Variants in SPAG16 observed in about 807,000 individuals in gnomAD.
SPAG16 encodes sperm associated antigen 16, also known as sperm-associated antigen 16 protein.
SPAG16 carries 86 observed loss-of-function variants against 80.4 expected under a neutral mutation model. That is an observed-to-expected ratio of 1.07 (90% CI 0.90 to 1.28). The LOEUF (loss-of-function observed/expected upper bound fraction) is 1.28, where lower values mean the gene tolerates loss of function less well. Ranked by LOEUF, SPAG16 falls within the 50% of genes most tolerant of loss-of-function variation. SPAG16 has a pLI of 0.00. For synonymous variants in SPAG16, 294 were observed against 265.9 expected (o/e 1.11, Z -1.03); for missense variants, 870 against 765.3 (o/e 1.14, Z -1.61).
intron 15 of SPAG16, among the ~76,000 whole-genome samples, chr2:214,203,724 G>A (rs920416591): frequency 6.6e-6 from 1 of 152,172 alleles, no homozygotes; most frequent in African/African-American, 2.4e-5. Context: ...GGGTCCTTGG[G>A]GAGGGCTACC....
At chr2:213,555,252 T>A (rs1350461793) in intron 10 of SPAG16, among the ~76,000 whole-genome samples, 1 of 152,200 alleles carries the variant, frequency 6.6e-6, no homozygotes, top group Non-Finnish European at 1.5e-5. Context: ...ATGGTTGGGC[T>A]TTGTGTTCCC....
intron 10 of SPAG16, among the ~76,000 whole-genome samples, chr2:213,670,329 A>G (rs1487831016): frequency 2.0e-5 from 3 of 152,146 alleles, no homozygotes; most frequent in Admixed American, 1.3e-4. Flanking sequence ...TGATCTGCCA[A>G]TGACTGTGGA....
chr2:213,439,717 A>G (rs2070828423), intron 9 of SPAG16, among the ~76,000 whole-genome samples: 1 of 152,236 alleles, frequency 6.6e-6, no homozygotes, highest in Admixed American at 6.5e-5. Context: ...GAAAGATGCT[A>G]AAAGTTAGAA....
At chr2:213,659,622 A>C (rs1413188866) in intron 10 of SPAG16, among the ~76,000 whole-genome samples, 1 of 152,164 alleles carries the variant, frequency 6.6e-6, no homozygotes, top group African/African-American at 2.4e-5. Flanking sequence ...CTAGGAGATG[A>C]TTTTCGACTC....
intron 13 of SPAG16, among the ~76,000 whole-genome samples, chr2:214,099,013 G>A (rs958350409): frequency 2.6e-5 from 4 of 152,044 alleles, no homozygotes; most frequent in Admixed American, 6.6e-5. Flanking sequence ...CTTTCAAGTC[G>A]TGTCTGTTGT....
chr2:213,390,637 T>TA (rs1281496178), intron 9 of SPAG16, among the ~76,000 whole-genome samples: 2 of 152,186 alleles, frequency 1.3e-5, no homozygotes, highest in African/African-American at 2.4e-5. Context: ...AGCAGCAATT[T>TA]AAAAGCCTAC....
At chr2:213,599,771 G>A (rs1285207062) in intron 10 of SPAG16, among the ~76,000 whole-genome samples, 2 of 152,038 alleles carry the variant, frequency 1.3e-5, no homozygotes, top group Admixed American at 6.6e-5. Context: ...GCACAATATC[G>A]GCTCACTGCA....
chr2:214,336,977 A>G (rs1697337787), intron 15 of SPAG16, among the ~76,000 whole-genome samples: 1 of 113,164 alleles, frequency 8.8e-6, no homozygotes, highest in Non-Finnish European at 2.1e-5. Context: ...TTCCAATATA[A>G]CTGATCAAAG....
Position 214,193,473 on chromosome 2 carries a change from G to A in SPAG16, c.1720+44207G>A, listed in dbSNP as rs763830562. ...AGAGAGAGAGAGAGAAGGGGGTAGA[G>A]CTCAAAGCTATGTCTGCCAAGATTT... On this transcript the variant is annotated intron_variant, in intron 15 of 15. Coordinates refer to ENST00000331683, the MANE Select transcript of SPAG16 (RefSeq NM_024532.5). 2.7e-5 allele frequency among the ~76,000 whole-genome samples: 4 copies of A among 149,228 alleles called. No individual in the cohort carries two copies. In the East Asian group the frequency reaches 8.0e-4, roughly 30 times the overall value.
chr2:213,700,987 A>G (rs1392562308), intron 10 of SPAG16, among the ~76,000 whole-genome samples: 1 of 152,132 alleles, frequency 6.6e-6, no homozygotes, highest in African/African-American at 2.4e-5. Context: ...CATGCCTGTA[A>G]TCCCAGCACT....
At chr2:213,666,111 CA>C (rs1335122418) in intron 10 of SPAG16, among the ~76,000 whole-genome samples, 1 of 152,082 alleles carries the variant, frequency 6.6e-6, no homozygotes, top group Non-Finnish European at 1.5e-5. Context: ...TGTAAAATCA[CA>C]AATAATGAGA....
chr2:213,660,672 C>T (rs1056606998), intron 10 of SPAG16, among the ~76,000 whole-genome samples: 4 of 152,184 alleles, frequency 2.6e-5, no homozygotes, highest in Non-Finnish European at 4.4e-5. Flanking sequence ...GATAAAACCC[C>T]TTGTGGCCTC....
intron 1 of SPAG16, among the ~76,000 whole-genome samples, chr2:213,291,818 C>G (rs942381620): frequency 3.3e-5 from 5 of 152,170 alleles, no homozygotes; most frequent in African/African-American, 1.2e-4. Context: ...CTTTTAATCT[C>G]TGATTCAGTT....
At chr2:213,752,363 C>T (rs1379250723) in intron 10 of SPAG16, among the ~76,000 whole-genome samples, 1 of 152,192 alleles carries the variant, frequency 6.6e-6, no homozygotes, top group African/African-American at 2.4e-5. Flanking sequence ...TGACTCCCCT[C>T]TTTGTAAGAT....
chr2:213,308,297 A>G (rs1225470634), intron 3 of SPAG16, among the ~76,000 whole-genome samples: 2 of 151,946 alleles, frequency 1.3e-5, no homozygotes, highest in Non-Finnish European at 2.9e-5. Context: ...TACTAATTTC[A>G]TTTGTTGCTT....
chr2:213,533,131 G>A (rs1323242791), intron 10 of SPAG16, among the ~76,000 whole-genome samples: 1 of 152,006 alleles, frequency 6.6e-6, no homozygotes, highest in Admixed American at 6.6e-5. Flanking sequence ...GTATATATGT[G>A]ATATTAAATG....
intron 11 of SPAG16, among the ~76,000 whole-genome samples, chr2:213,879,873 C>T (rs1457155351): frequency 6.6e-6 from 1 of 152,116 alleles, no homozygotes; most frequent in Admixed American, 6.5e-5. Flanking sequence ...TTTTATTTAT[C>T]CAATCCACCG....
chr2:213,773,694 C>G (rs1229213337), intron 10 of SPAG16, among the ~76,000 whole-genome samples: 2 of 152,086 alleles, frequency 1.3e-5, no homozygotes, highest in Non-Finnish European at 2.9e-5. Flanking sequence ...GCTGGGATTA[C>G]AGGCACCTGC....
chr2:213,977,151 C>T (rs2045453950), intron 12 of SPAG16, among the ~76,000 whole-genome samples: 1 of 151,984 alleles, frequency 6.6e-6, no homozygotes, highest in African/African-American at 2.4e-5. Context: ...GTGAATAAAA[C>T]TGAGGTGAGA....
Sources: allele counts gnomAD v4.1 joint callset (sites outside exome capture counted in the v4.1 genomes callset), GRCh38; gene constraint gnomAD v4.1.1; transcripts MANE v1.5; gene names NCBI Gene and HGNC (gene_info 2026-07-23, HGNC 2026-07-21).